Variants in MTRR observed in about 807,000 individuals in gnomAD.
The protein encoded by MTRR is 5-methyltetrahydrofolate-homocysteine methyltransferase reductase.
In MTRR, 63 loss-of-function variants were observed where a neutral mutation model predicts 79.2. The observed-to-expected ratio is 0.80, with a 90% CI of 0.65 to 0.98. MTRR has a LOEUF of 0.98. Ranked by LOEUF, MTRR falls within the 50% of genes least tolerant of loss-of-function variation. The probability of loss-of-function intolerance (pLI) is 0.00; values close to 1 mark genes in which losing one functional copy is unlikely to be tolerated. For synonymous variants in MTRR, 355 were observed against 313.3 expected (o/e 1.13, Z -1.41); for missense variants, 895 against 839.6 (o/e 1.07, Z -0.82).
At chr5:7,862,530 C>A (rs188319692) in intron 2 of MTRR, among the ~76,000 whole-genome samples, 24 of 152,120 alleles carry the variant, frequency 1.6e-4, no homozygotes, top group African/African-American at 5.5e-4. Flanking sequence ...TTTATTTAGA[C>A]CTTAAGTAAG....
upstream of MTRR, chr5:7,866,624 TCA>T: frequency 6.5e-7 from 1 of 1,528,502 alleles, no homozygotes; most frequent in Admixed American, 2.1e-5. Flanking sequence ...TTTCCAACTG[TCA>T]GAATTTATAA....
chr5:7,872,173 A>T (rs1378679995), intron 2 of MTRR: 4 of 428,194 alleles, frequency 9.3e-6, no homozygotes, highest in Non-Finnish European at 1.8e-5. Context: ...ACTTACATAG[A>T]GTCTTGGAAG....
upstream of MTRR, among the ~76,000 whole-genome samples, chr5:7,865,052 C>G (rs909767960): frequency 6.6e-6 from 1 of 151,984 alleles, no homozygotes; most frequent in African/African-American, 2.4e-5. Context: ...ATGCACTGGC[C>G]TCGAGGGATG....
At position 7,880,277 on chromosome 5, in the gene MTRR, C is replaced by T. The variant is rs139605114; in HGVS notation, c.780+1955C>T. Among the ~76,000 whole-genome samples the T allele has an allele frequency of 8.5e-3, 1,300 of 152,334 alleles. 11 individuals carry two copies. Among genetic ancestry groups the T allele is most frequent in the Non-Finnish European group, 0.013 (901 of 68,028 alleles). On this transcript the variant is annotated intron_variant, in intron 5 of 14. Transcript: ENST00000440940. The stretch of plus-strand genomic sequence containing the variant: ...ACATTTATTCAGACTCTTATAACAG[C>T]AGGCAGGACTTATGATAGCCCTGGG...
chr5:7,890,262 G>GT, intron 9 of MTRR: 13 of 985,186 alleles, frequency 1.3e-5, no homozygotes, highest in Non-Finnish European at 1.6e-5. Context: ...TTTTCTTAGT[G>GT]TTTTTTCCAC....
At chr5:7,891,290 T>TTA in intron 9 of MTRR, 82 bp from the exon 10 acceptor site, 1 of 43,888 alleles carries the variant, frequency 2.3e-5, no homozygotes, top group Non-Finnish European at 3.3e-5. Flanking sequence ...AGACATGGAA[T>TTA]TTTTTTTTTT....
intron 6 of MTRR, 84 bp downstream of exon 6, chr5:7,883,361 G>T (rs1735882270): frequency 1.3e-6 from 2 of 1,572,118 alleles, no homozygotes; most frequent in Admixed American, 1.7e-5. Flanking sequence ...TATATATGCT[G>T]AGTGGTGTGC....
rs191045598 is a variant in MTRR at position 7,861,775 on chromosome 5, T to C, written n.392-176T>C. On this transcript the variant is annotated intron_variant and non_coding_transcript_variant, in intron 1 of 3. Coordinates refer to the MTRR transcript ENST00000502509. ...TGCATTGATCAATTGGACTGAAGGCTGCAAAGTAATGACCACAACCAAACA... is the reference window on the plus strand; with the variant it reads ...TGCATTGATCAATTGGACTGAAGGCCGCAAAGTAATGACCACAACCAAACA... 21 of 1,449,456 alleles carry C rather than the reference T, an allele frequency of 1.4e-5. 2 individuals carry two copies. The Admixed American group carries it at 3.1e-4, about 21-fold the overall frequency. The allele number at this position is 1,449,456 out of a possible 1,614,324, so 89.8% of individuals were successfully genotyped here. A position where few individuals can be genotyped will look rare whatever the true frequency, so the allele number is the denominator to read the frequency against.
upstream of MTRR, chr5:7,850,909 G>T: frequency 7.4e-7 from 1 of 1,360,318 alleles, no homozygotes; most frequent in Non-Finnish European, 9.5e-7. Context: ...GTGCTCTTTG[G>T]GGTCCAGGCG....
intron 4 of MTRR, among the ~76,000 whole-genome samples, chr5:7,875,960 ATCCTGATGTGTTTATTCAGTGG>A (rs1734489309): frequency 6.6e-6 from 1 of 152,198 alleles, no homozygotes; most frequent in South Asian, 2.1e-4. Flanking sequence ...CTTTCAAATC[ATCCTGATGTGTTTATTCAGTGG>A]TCCTACAGAT....
intron 5 of MTRR, among the ~76,000 whole-genome samples, chr5:7,880,194 G>T (rs1040612598): frequency 6.6e-6 from 1 of 152,228 alleles, no homozygotes; most frequent in Admixed American, 6.5e-5. Flanking sequence ...TGCTCATTCA[G>T]TCTGATAGCA....
chr5:7,855,425 A>AG (rs1746212105), intron 1 of MTRR, among the ~76,000 whole-genome samples: 1 of 151,358 alleles, frequency 6.6e-6, no homozygotes, highest in Admixed American at 6.6e-5. Context: ...CAGTGGAAAA[A>AG]AAAAAAAGAA....
At chr5:7,876,926 T>C (rs1396991460) in intron 4 of MTRR, among the ~76,000 whole-genome samples, 1 of 152,238 alleles carries the variant, frequency 6.6e-6, no homozygotes, top group African/African-American at 2.4e-5. Context: ...GTGAGAGTGA[T>C]ATTTTACATG....
At chr5:7,857,402 ATCTC>A (rs373731391) in intron 1 of MTRR, among the ~76,000 whole-genome samples, 22 of 152,256 alleles carry the variant, frequency 1.4e-4, no homozygotes, top group African/African-American at 3.9e-4. Flanking sequence ...GCAACCTTAT[ATCTC>A]TCTATTAGCC....
intron 11 of MTRR, among the ~76,000 whole-genome samples, chr5:7,894,401 T>A (rs1036406009): frequency 6.6e-6 from 1 of 152,242 alleles, no homozygotes; most frequent in Non-Finnish European, 1.5e-5. Flanking sequence ...GCACTAAGCC[T>A]GTGGGCGTGG....
intron 2 of MTRR, chr5:7,863,183 C>T: frequency 1.7e-6 from 1 of 591,192 alleles, no homozygotes; most frequent in South Asian, 2.1e-5. Flanking sequence ...CAGTGCAAGT[C>T]TAATAGTTCA....
chr5:7,892,587 A>G (rs1171990717), intron 10 of MTRR, 140 bp from the exon 11 acceptor site: 1 of 915,948 alleles, frequency 1.1e-6, no homozygotes, highest in Middle Eastern at 3.2e-4. Context: ...TTACGTAATA[A>G]TGGCTTTCCT....
At chr5:7,858,585 TG>T (rs946704437) in intron 1 of MTRR, among the ~76,000 whole-genome samples, 1 of 152,196 alleles carries the variant, frequency 6.6e-6, no homozygotes, top group Non-Finnish European at 1.5e-5. Flanking sequence ...AAAACCATGA[TG>T]GGGTAGACGT....
chr5:7,856,104 A>G (rs1440216383), intron 1 of MTRR, among the ~76,000 whole-genome samples: 1 of 152,196 alleles, frequency 6.6e-6, no homozygotes, highest in Admixed American at 6.5e-5. Context: ...CCAAAGAGTT[A>G]ACAGTAACCC....
Sources: allele counts gnomAD v4.1 joint callset (sites outside exome capture counted in the v4.1 genomes callset), GRCh38; gene constraint gnomAD v4.1.1; transcripts MANE v1.5; gene names NCBI Gene and HGNC (gene_info 2026-07-23, HGNC 2026-07-21).